The following AFF2 variants were observed in gnomAD, a reference collection of about 807,000 sequenced individuals.
AFF2 encodes ALF transcription elongation factor 2, also known as AF4/FMR2 family member 2.
In AFF2, 14 loss-of-function variants were observed where a neutral mutation model predicts 76.9. The observed-to-expected ratio is 0.18, with a 90% CI of 0.12 to 0.28. AFF2 has a LOEUF of 0.28. AFF2 is among the 10% of genes least tolerant of loss of function. The probability of loss-of-function intolerance (pLI) is 1.00; values close to 1 mark genes in which losing one functional copy is unlikely to be tolerated. For missense variants in AFF2, 868 were observed against 1,001.1 expected (o/e 0.87, Z 1.79); for synonymous variants, 398 against 366.7 (o/e 1.09, Z -0.98).
chrX:148,619,524 A>G (rs1486898617), intron 1 of AFF2, among the ~76,000 whole-genome samples: 1 of 112,470 alleles, frequency 8.9e-6, no homozygotes, highest in African/African-American at 3.2e-5. Context: ...AGTGGGTTTC[A>G]TCTTTTATTC....
At chrX:148,702,888 C>T (rs919286969) in intron 3 of AFF2, among the ~76,000 whole-genome samples, 2 of 111,964 alleles carry the variant, frequency 1.8e-5, no homozygotes, top group African/African-American at 6.5e-5. Context: ...ACTGTTTGCT[C>T]GAGATACGAT....
At chrX:148,573,511 T>C (rs1287582725) in intron 1 of AFF2, among the ~76,000 whole-genome samples, 2 of 111,544 alleles carry the variant, frequency 1.8e-5, no homozygotes, top group Admixed American at 1.9e-4. Context: ...AAAGACTTTT[T>C]TTTTTGTCCT....
At chrX:148,642,257 G>A (rs894061290) in intron 1 of AFF2, among the ~76,000 whole-genome samples, 2 of 112,094 alleles carry the variant, frequency 1.8e-5, no homozygotes, top group Non-Finnish European at 3.8e-5. Context: ...GAGTGCAAGT[G>A]GATCAAAGGG....
intron 7 of AFF2, among the ~76,000 whole-genome samples, chrX:148,882,049 C>T (rs1557278541): frequency 9.0e-6 from 1 of 111,516 alleles, no homozygotes; most frequent in Non-Finnish European, 1.9e-5. Context: ...TTCCTGCCAG[C>T]CTTCTATAAT....
intron 1 of AFF2, among the ~76,000 whole-genome samples, chrX:148,650,643 A>G (rs2054194578): frequency 8.9e-6 from 1 of 112,230 alleles, no homozygotes; most frequent in Non-Finnish European, 1.9e-5. Context: ...TATCAAAGTC[A>G]CTTTGAATTT....
chrX:148,887,113 GT>G (rs1569556597), intron 8 of AFF2, among the ~76,000 whole-genome samples: 1 of 112,631 alleles, frequency 8.9e-6, no homozygotes, highest in Admixed American at 9.4e-5. Context: ...TTAATAATAT[GT>G]AAAAAATAAT....
At chrX:148,789,634 A>G (rs145530215) in intron 3 of AFF2, among the ~76,000 whole-genome samples, 132 of 111,313 alleles carry the variant, frequency 1.2e-3, no homozygotes, top group African/African-American at 4.0e-3. Flanking sequence ...TCCCTGTAAT[A>G]TATTTTGAGG....
At chrX:148,887,288 T>C (rs952734098) in intron 8 of AFF2, among the ~76,000 whole-genome samples, 3 of 112,096 alleles carry the variant, frequency 2.7e-5, no homozygotes, top group Non-Finnish European at 5.6e-5. Flanking sequence ...TCATAGCAAA[T>C]GTAAAATGTA....
At chrX:148,982,310 G>A (rs2072404965) in intron 19 of AFF2, among the ~76,000 whole-genome samples, 1 of 111,926 alleles carries the variant, frequency 8.9e-6, no homozygotes, top group Non-Finnish European at 1.9e-5. Context: ...CAGGGGTTAT[G>A]TCTCGTTCAT....
intron 3 of AFF2, among the ~76,000 whole-genome samples, chrX:148,722,624 C>T (rs1298430524): frequency 9.0e-6 from 1 of 111,344 alleles, no homozygotes; most frequent in Non-Finnish European, 1.9e-5. Context: ...CTAGTTCGTC[C>T]TCCATACTAT....
chrX:148,525,513 C>G (rs188621866), intron 1 of AFF2, among the ~76,000 whole-genome samples: 2 of 111,608 alleles, frequency 1.8e-5, no homozygotes, highest in East Asian at 5.6e-4. Flanking sequence ...ATCTATATTA[C>G]TTAGAAATAG....
At chrX:148,745,315 A>G (rs2055407681) in intron 3 of AFF2, among the ~76,000 whole-genome samples, 1 of 111,816 alleles carries the variant, frequency 8.9e-6, no homozygotes, top group Non-Finnish European at 1.9e-5. Context: ...CAGTAAATGG[A>G]TGACCAGACA....
At chrX:148,607,899 C>G (rs782809535) in intron 1 of AFF2, among the ~76,000 whole-genome samples, 18 of 111,631 alleles carry the variant, frequency 1.6e-4, no homozygotes, top group Non-Finnish European at 2.6e-4. Flanking sequence ...GTTTGGACTC[C>G]CAATGTTGCC....
intron 10 of AFF2, 137 bp downstream of exon 10, chrX:148,953,876 CA>C: frequency 1.7e-6 from 1 of 585,632 alleles, no homozygotes. Context: ...GCATGATAAC[CA>C]CTTCAGAAAA....
In AFF2 at chrX:148,657,095, T is replaced by A. The variant is rs782239123; in HGVS notation, c.181-4813T>A. Among the ~76,000 whole-genome samples, 22 of 111,580 alleles carry A rather than the reference T, an allele frequency of 2.0e-4. No homozygotes were observed. In the South Asian group the frequency reaches 8.3e-3, roughly 42 times the overall value. On this transcript the variant is annotated intron_variant, in intron 2 of 20. Coordinates refer to ENST00000370460, the MANE Select transcript of AFF2 (RefSeq NM_002025.4). ...CATAGCCCAATGAGAATGAGGAAAC[T>A]GAGGTGCACAGAGGATTATTAAATG...
intron 4 of AFF2, among the ~76,000 whole-genome samples, chrX:148,821,263 TG>T (rs1557272526): frequency 9.0e-6 from 1 of 111,444 alleles, no homozygotes; most frequent in African/African-American, 3.3e-5. Context: ...ATGAAACCTC[TG>T]GAATAGTGCT....
intron 15 of AFF2, among the ~76,000 whole-genome samples, chrX:148,969,854 C>T (rs1305563163): frequency 9.1e-6 from 1 of 110,150 alleles, no homozygotes; most frequent in Non-Finnish European, 1.9e-5. Flanking sequence ...TGGGAAGCAC[C>T]CTTATAGTTT....
chrX:148,705,032 A>C (rs1382191126), intron 3 of AFF2, among the ~76,000 whole-genome samples: 1 of 111,480 alleles, frequency 9.0e-6, no homozygotes, highest in Non-Finnish European at 1.9e-5. Context: ...TACCTTCAAC[A>C]GCCAATCCAG....
rs1001936597 is a variant in AFF2, at chrX:148,699,356, T to C, written c.1041+36588T>C. ...CAGTCTGTACTGTTTATGACGCCCCTGCCAGTCAGATTCCAGACACATTTA... is the reference window on the plus strand; with the variant it reads ...CAGTCTGTACTGTTTATGACGCCCCCGCCAGTCAGATTCCAGACACATTTA... On this transcript the variant is annotated intron_variant, in intron 3 of 20. Coordinates refer to ENST00000370460, the MANE Select transcript of AFF2 (RefSeq NM_002025.4). Among the ~76,000 whole-genome samples the C allele has an allele frequency of 6.2e-5, 7 of 112,439 alleles. No individual in the cohort carries two copies. The South Asian group carries it at 2.2e-3, about 35-fold the overall frequency.
Sources: gnomAD v4.1 joint callset for allele counts (sites outside exome capture counted in the v4.1 genomes callset) on GRCh38, gnomAD v4.1.1 for gene constraint, MANE v1.5 for transcripts, NCBI Gene and HGNC (gene_info 2026-07-23, HGNC 2026-07-21) for gene names.